The following LMCD1 variants were observed in gnomAD, a reference collection of about 807,000 sequenced individuals.
LMCD1 encodes LIM and cysteine rich domains 1.
LMCD1 carries 32 observed loss-of-function variants against 42.7 expected under a neutral mutation model. The ratio of observed to expected loss-of-function variants is 0.75; its 90% CI spans 0.57 to 1.01. The LOEUF (loss-of-function observed/expected upper bound fraction) is 1.01. LMCD1 is among the 50% of genes least tolerant of loss of function. The probability of loss-of-function intolerance (pLI) is 0.00; values close to 1 mark genes in which losing one functional copy is unlikely to be tolerated. For missense variants in LMCD1, 458 were observed against 483.1 expected, an observed-to-expected ratio of 0.95 and a Z score of 0.49; for synonymous variants, 178 against 184.9, an observed-to-expected ratio of 0.96 and a Z score of 0.30.
chr3:8,525,007 T>C (rs1206724198), intron 1 of LMCD1, among the ~76,000 whole-genome samples: 1 of 152,216 alleles, frequency 6.6e-6, no homozygotes, highest in Non-Finnish European at 1.5e-5. Flanking sequence ...TTGATATTCA[T>C]ATACATTGTG....
chr3:8,539,795 T>TTTATGA, intron 3 of LMCD1, among the ~76,000 whole-genome samples: 1 of 139,834 alleles, frequency 7.2e-6, no homozygotes, highest in South Asian at 2.4e-4. Context: ...TCCCAACATT[T>TTTATGA]TTATTATTAT....
chr3:8,519,577 T>A (rs150066969), intron 1 of LMCD1, among the ~76,000 whole-genome samples: 1 of 152,180 alleles, frequency 6.6e-6, no homozygotes, highest in Non-Finnish European at 1.5e-5. Context: ...CTAAATACTC[T>A]GTAAGTTCCT....
chr3:8,544,346 T>C (rs1328918798), intron 3 of LMCD1, among the ~76,000 whole-genome samples: 3 of 152,102 alleles, frequency 2.0e-5, no homozygotes, highest in Non-Finnish European at 2.9e-5. Context: ...ACCCAGGTCT[T>C]CTCTTCTGTC....
rs377598724 is a variant in LMCD1 at position 8,564,180 on chromosome 3, TAACTC to T, written c.724-1249_724-1245del. On this transcript the variant is annotated intron_variant, in intron 4 of 5. Transcript: ENST00000157600. Reference sequence around the variant, plus strand: ...ATACCTTATTAATGTAAGATGCTAATAACTCAAGAAACTGAGTGTGGAATATATAG... The same window carrying T: ...ATACCTTATTAATGTAAGATGCTAATAAGAAACTGAGTGTGGAATATATAG... Among the ~76,000 whole-genome samples, 371 of 152,352 alleles carry T rather than the reference TAACTC, an allele frequency of 2.4e-3. 2 individuals are homozygous for T. Among genetic ancestry groups the T allele is most frequent in the African/African-American group, 8.5e-3 (354 of 41,580 alleles).
intron 4 of LMCD1, among the ~76,000 whole-genome samples, chr3:8,553,364 C>T (rs1013919099): frequency 3.0e-4 from 45 of 152,208 alleles, no homozygotes; most frequent in African/African-American, 1.0e-3. Context: ...ACCTAACCAT[C>T]CTCATTGGAA....
intron 1 of LMCD1, among the ~76,000 whole-genome samples, chr3:8,519,816 C>A (rs1396508204): frequency 6.6e-6 from 1 of 151,532 alleles, no homozygotes; most frequent in Non-Finnish European, 1.5e-5. Context: ...AGGAAAACAT[C>A]TTGCTGAAGG....
intron 4 of LMCD1, among the ~76,000 whole-genome samples, chr3:8,557,845 G>A (rs1315394901): frequency 4.6e-5 from 7 of 152,120 alleles, no homozygotes; most frequent in African/African-American, 9.7e-5. Flanking sequence ...CTGTCCATTC[G>A]GTGTCACTTG....
intron 1 of LMCD1, among the ~76,000 whole-genome samples, chr3:8,510,933 G>GCC (rs1693983969): frequency 6.6e-6 from 1 of 152,058 alleles, no homozygotes; most frequent in Non-Finnish European, 1.5e-5. Context: ...AGCATTACAC[G>GCC]CCACACACAC....
Position 8,532,735 on chromosome 3 carries a change from A to T in LMCD1, c.43-2A>T. On this transcript the variant is annotated splice_acceptor_variant, in intron 1 of 5. Transcript: ENST00000157600. LOFTEE classifies it high-confidence loss of function. ...ACACCCTCTTTTCTGTTCCTTTTCC[A>T]GATGTCCCTGGGCCAGCTGCAGTCA... The T allele has an allele frequency of 6.2e-7, 1 of 1,613,652 alleles. No homozygotes were observed. The highest frequency in any genetic ancestry group is 8.5e-7 in the Non-Finnish European group (1 of 1,179,682).
At chr3:8,531,254 C>A (rs906020299) in intron 1 of LMCD1, among the ~76,000 whole-genome samples, 10 of 152,216 alleles carry the variant, frequency 6.6e-5, no homozygotes, top group African/African-American at 2.4e-4. Flanking sequence ...GCCTTTCATA[C>A]CTTTTTTACC....
chr3:8,537,609 G>A, intron 3 of LMCD1, 169 bp downstream of exon 3: 1 of 712,232 alleles, frequency 1.4e-6, no homozygotes, highest in Non-Finnish European at 2.2e-6. Flanking sequence ...GTTGAGAAAT[G>A]AAGACTATCT....
chr3:8,537,606 A>G, intron 3 of LMCD1, 166 bp downstream of exon 3: 1 of 717,504 alleles, frequency 1.4e-6, no homozygotes, highest in East Asian at 2.7e-5. Context: ...GATGTTGAGA[A>G]ATGAAGACTA....
At chr3:8,536,291 G>A (rs1348470460) in intron 2 of LMCD1, among the ~76,000 whole-genome samples, 1 of 152,214 alleles carries the variant, frequency 6.6e-6, no homozygotes, top group Non-Finnish European at 1.5e-5. Flanking sequence ...AGGCCGGAAA[G>A]GGAGGGGAGC....
At chr3:8,561,536 C>T (rs558651673) in intron 4 of LMCD1, among the ~76,000 whole-genome samples, 1 of 152,292 alleles carries the variant, frequency 6.6e-6, no homozygotes, top group Non-Finnish European at 1.5e-5. Context: ...CTGGGTTTGG[C>T]CATGGGCCGT....
At chr3:8,565,728 G>T in intron 5 of LMCD1, 81 bp downstream of exon 5, 1 of 1,307,866 alleles carries the variant, frequency 7.6e-7, no homozygotes, top group Non-Finnish European at 1.1e-6. Flanking sequence ...GAGGAGCATG[G>T]CTTTGTGGAT....
In LMCD1 at chr3:8,569,980, C is replaced by CAAAAA. The variant is rs57776112; in HGVS notation, c.*2393_*2397dup. ...GGGTGACAGAGTGAGACCCTGTTTCCAAAAAAAAAAAAAAAGGATAGGTTG... is the reference window on the plus strand; with the variant it reads ...GGGTGACAGAGTGAGACCCTGTTTCCAAAAAAAAAAAAAAAAAAAAGGATAGGTTG... On this transcript the variant is annotated 3_prime_UTR_variant, in exon 6 of 6. Transcript: ENST00000157600. 1.2e-4 allele frequency: 17 copies of CAAAAA among 138,606 alleles called. No individual in the cohort carries two copies. The highest frequency in any genetic ancestry group is 3.6e-3 in the Middle Eastern group (1 of 276). 8.6% of individuals were successfully genotyped at this position (138,606 alleles called of 1,614,324 possible).
chr3:8,512,704 C>T (rs1351195658), intron 1 of LMCD1, among the ~76,000 whole-genome samples: 1 of 152,210 alleles, frequency 6.6e-6, no homozygotes, highest in Non-Finnish European at 1.5e-5. Flanking sequence ...GAAATGGGAC[C>T]ATCACAGGGG....
chr3:8,515,909 G>T (rs1176094989), intron 1 of LMCD1, among the ~76,000 whole-genome samples: 2 of 152,116 alleles, frequency 1.3e-5, no homozygotes, highest in African/African-American at 4.8e-5. Flanking sequence ...AGTAGGAGTG[G>T]GTGGGGGGAG....
intron 2 of LMCD1, 144 bp from the exon 3 acceptor site, chr3:8,537,041 T>C (rs185376523): frequency 4.7e-6 from 4 of 859,008 alleles, no homozygotes; most frequent in African/African-American, 3.4e-5. Context: ...AAGGCCTTTT[T>C]GTCTCAGGTT....
Sources: gnomAD v4.1 joint callset for allele counts (sites outside exome capture counted in the v4.1 genomes callset) on GRCh38, gnomAD v4.1.1 for gene constraint, MANE v1.5 for transcripts, NCBI Gene and HGNC (gene_info 2026-07-23, HGNC 2026-07-21) for gene names.